CREG2: variants seen among roughly 807,000 people sequenced by gnomAD.
The protein encoded by CREG2 is cellular repressor of E1A stimulated genes 2.
A neutral mutation model predicts 26.2 loss-of-function variants in CREG2; 24 were observed. The ratio of observed to expected loss-of-function variants is 0.92; its 90% confidence interval spans 0.66 to 1.29. The LOEUF is 1.29. CREG2 is among the 50% of genes most tolerant of loss of function. CREG2 has a pLI of 0.00. For missense variants in CREG2, 366 were observed against 398.6 expected (o/e 0.92, Z 0.70); for synonymous variants, 174 against 169.2 (o/e 1.03, Z -0.22).
Position 101,385,596 on chromosome 2 carries a change from G to T in CREG2, c.441+1421C>A, listed in dbSNP as rs114045037. On this transcript the variant is annotated intron_variant, in intron 1 of 3. Coordinates refer to ENST00000324768, the MANE Select transcript of CREG2 (RefSeq NM_153836.4). ...GTTGTTACTTGCTCAGAATTCAGGGGTTGTCTTTGTCCTTGAAATGTTGCA... is the reference window on the plus strand; with the variant it reads ...GTTGTTACTTGCTCAGAATTCAGGGTTTGTCTTTGTCCTTGAAATGTTGCA... 4.0e-3 allele frequency among the ~76,000 whole-genome samples: 610 copies of T among 152,292 alleles called. 5 individuals carry two copies. Among genetic ancestry groups the T allele is most frequent in the African/African-American group, 0.014 (573 of 41,570 alleles).
At chr2:101,366,801 G>A (rs1018743332) in intron 2 of CREG2, among the ~76,000 whole-genome samples, 1 of 152,012 alleles carries the variant, frequency 6.6e-6, no homozygotes, top group Non-Finnish European at 1.5e-5. Flanking sequence ...CAGCCTGGGC[G>A]ACAGAGTGAG....
intron 1 of CREG2, among the ~76,000 whole-genome samples, chr2:101,386,078 C>T (rs1192567216): frequency 6.6e-6 from 1 of 152,116 alleles, no homozygotes; most frequent in Non-Finnish European, 1.5e-5. Flanking sequence ...AGGTTAAGAC[C>T]ATTGCCAAAC....
intron 2 of CREG2, among the ~76,000 whole-genome samples, chr2:101,357,008 A>G (rs1023145026): frequency 1.3e-5 from 2 of 151,996 alleles, no homozygotes; most frequent in Non-Finnish European, 2.9e-5. Context: ...TCCTGCCCCA[A>G]TCTCCTGAGT....
At chr2:101,370,316 C>T (rs1684685235) in intron 2 of CREG2, among the ~76,000 whole-genome samples, 1 of 152,114 alleles carries the variant, frequency 6.6e-6, no homozygotes. Context: ...CTGGTCTCTG[C>T]CATCCCAGTC....
intron 3 of CREG2, among the ~76,000 whole-genome samples, chr2:101,354,797 G>A (rs6705768): frequency 0.014 from 2,079 of 152,120 alleles, 54 homozygotes; most frequent in African/African-American, 0.047. Context: ...CCTCATTTCC[G>A]GAGAGTTTGA....
At chr2:101,385,405 T>C (rs1055130137) in intron 1 of CREG2, among the ~76,000 whole-genome samples, 1 of 152,108 alleles carries the variant, frequency 6.6e-6, no homozygotes, top group Admixed American at 6.6e-5. Context: ...GGTCTTGAAC[T>C]CCTGACCTCA....
intron 2 of CREG2, among the ~76,000 whole-genome samples, chr2:101,370,023 TACAGTGGGTA>T (rs892105234): frequency 5.3e-5 from 8 of 152,228 alleles, no homozygotes; most frequent in African/African-American, 1.9e-4. Context: ...AGGCAGGGAA[TACAGTGGGTA>T]ACAGTCCGGC....
rs1188141335 is a variant in CREG2, at chr2:101,345,749, C to A, written c.*5174G>T. 6.6e-6 allele frequency: 1 copy of A among 151,908 alleles called. No homozygotes were observed. The highest frequency in any genetic ancestry group is 1.5e-5 in the Non-Finnish European group (1 of 68,000). The allele number at this position is 151,908 out of a possible 1,614,324, so 9.4% of individuals were successfully genotyped here. On this transcript the variant is annotated 3_prime_UTR_variant, in exon 4 of 4. Transcript: ENST00000324768. ...ATCAAATAAGCATCAATAAATTATC[C>A]TAGAGAGGTTTTATTTTCAGAACAG...
intron 2 of CREG2, among the ~76,000 whole-genome samples, chr2:101,369,051 T>C (rs1261820610): frequency 1.3e-5 from 2 of 152,332 alleles, no homozygotes; most frequent in East Asian, 3.9e-4. Flanking sequence ...CATTTAGGCT[T>C]CGCAGGATAT....
chr2:101,358,292 C>G (rs144472959), intron 2 of CREG2, among the ~76,000 whole-genome samples: 1,830 of 152,196 alleles, frequency 0.012, 44 homozygotes, highest in African/African-American at 0.042. Context: ...GTGCCCAGCC[C>G]CATCTGGTCC....
intron 2 of CREG2, among the ~76,000 whole-genome samples, chr2:101,366,296 T>G (rs1684617513): frequency 1.3e-5 from 2 of 152,220 alleles, no homozygotes; most frequent in African/African-American, 4.8e-5. Flanking sequence ...CCTCTGATTT[T>G]TGAGACTCTG....
chr2:101,350,926 G>A lies in CREG2; in HGVS notation c.870C>T (p.Ala290=). ...CAAGGACTTTCTTCTCACTCCATCA[G>A]GCCTTTCTGGGAACTGCTTTGAAAT... ...EEYFKAVPRK[A] Residue 290 remains alanine, a synonymous_variant, in exon 4 of 4, where the codon GCC becomes GCT. Transcript: ENST00000324768. 1.9e-6 allele frequency: 3 copies of A among 1,614,042 alleles called. No homozygotes were observed. The highest frequency in any genetic ancestry group is 1.7e-6 in the Non-Finnish European group (2 of 1,179,976).
rs1460454930 is a variant in CREG2 at position 101,387,313 on chromosome 2, C to T, written c.145G>A (p.Glu49Lys). 1.3e-6 allele frequency: 2 copies of T among 1,494,844 alleles called. No homozygotes were observed. The highest frequency in any genetic ancestry group is 9.0e-7 in the Non-Finnish European group (1 of 1,116,360). 92.6% of individuals were successfully genotyped at this position (1,494,844 alleles called of 1,614,324 possible). ...SWAVTNEVDE[E>K]LDSASTEEAM... is the part of the protein sequence containing the mutation. Reference sequence around the variant, plus strand: ...TCCTCAGTGGAGGCGCTGTCCAGCTCCTCGTCCACCTCGTTGGTGACGGCC... The same window carrying T: ...TCCTCAGTGGAGGCGCTGTCCAGCTTCTCGTCCACCTCGTTGGTGACGGCC... Residue 49 changes from glutamate to lysine, a missense_variant, in exon 1 of 4, where the codon GAG becomes AAG. By Grantham distance (56) the Glu-to-Lys change is moderately conservative. Coordinates refer to ENST00000324768, the MANE Select transcript of CREG2 (RefSeq NM_153836.4). This position sits in a 1 kb window ranked among gnomAD's most constrained non-coding sequence, Gnocchi z 4.7.
At chr2:101,383,038 A>T in intron 2 of CREG2, 3 of 980,438 alleles carry the variant, frequency 3.1e-6, no homozygotes, top group Non-Finnish European at 3.6e-6. Context: ...AGAGCTTTTG[A>T]AAAAGTGAAT....
intron 1 of CREG2, among the ~76,000 whole-genome samples, chr2:101,386,768 G>C (rs1036368605): frequency 9.5e-4 from 144 of 152,178 alleles, no homozygotes; most frequent in African/African-American, 3.3e-3. Context: ...GTGGGGATTC[G>C]GTACCCAACC....
chr2:101,373,784 A>G (rs565966446), intron 2 of CREG2, among the ~76,000 whole-genome samples: 2 of 152,230 alleles, frequency 1.3e-5, no homozygotes, highest in Non-Finnish European at 2.9e-5. Context: ...AAACCAGAGG[A>G]AGGTGAAAGA....
At chr2:101,362,717 C>T (rs569928575) in intron 2 of CREG2, among the ~76,000 whole-genome samples, 19 of 152,320 alleles carry the variant, frequency 1.2e-4, no homozygotes, top group African/African-American at 4.1e-4. Context: ...TGCATCTCTC[C>T]TTCAGGCCAG....
intron 2 of CREG2, among the ~76,000 whole-genome samples, chr2:101,369,355 T>C (rs1290235046): frequency 2.0e-5 from 3 of 152,070 alleles, no homozygotes; most frequent in African/African-American, 7.2e-5. Flanking sequence ...AGCTGGCAGC[T>C]GAGTCTGCCA....
chr2:101,379,969 T>TTCTATCTATCTATATA (rs146885750), intron 2 of CREG2, among the ~76,000 whole-genome samples: 1 of 147,742 alleles, frequency 6.8e-6, no homozygotes, highest in Non-Finnish European at 1.5e-5. Context: ...GTGTGAAAGC[T>TTCTATCTATCTATATA]TCTATCTATC....
Sources: allele counts gnomAD v4.1 joint callset (sites outside exome capture counted in the v4.1 genomes callset), GRCh38; gene constraint gnomAD v4.1.1; non-coding constraint Gnocchi (gnomAD v3.1); transcripts MANE v1.5; gene names NCBI Gene and HGNC (gene_info 2026-07-23, HGNC 2026-07-21).